CFAP74: variants seen among roughly 807,000 people sequenced by gnomAD.
The protein encoded by CFAP74 is cilia and flagella associated protein 74.
CFAP74 carries 124 observed loss-of-function variants against 188.9 expected under a neutral mutation model. That is an observed-to-expected ratio of 0.66 (90% CI 0.57 to 0.76). The LOEUF (loss-of-function observed/expected upper bound fraction) is 0.76, where lower values mean the gene tolerates loss of function less well. CFAP74 is among the 30% of genes least tolerant of loss of function. The probability of loss-of-function intolerance (pLI) is 0.00; values close to 1 mark genes in which losing one functional copy is unlikely to be tolerated. For synonymous variants in CFAP74, 956 were observed against 916.7 expected, an observed-to-expected ratio of 1.04 and a Z score of -0.77; for missense variants, 2,198 against 2,165.2, an observed-to-expected ratio of 1.02 and a Z score of -0.30.
chr1:1,959,081 T>A, intron 16 of CFAP74, 39 bp downstream of exon 16: 1 of 1,434,330 alleles, frequency 7.0e-7, no homozygotes, highest in Non-Finnish European at 9.8e-7. Flanking sequence ...CCAGCCAGCA[T>A]GCCCCGAGAA....
At position 1,995,591 on chromosome 1, in the gene CFAP74, G is replaced by A. The variant is rs141327652; in HGVS notation, c.-19-4616C>T. ...ATAGATTAAATAAGCAAGCTAAAGG[G>A]AAGTATATTATCGAGTTGCATTAAA... On this transcript the variant is annotated intron_variant, in intron 1 of 38. Coordinates refer to ENST00000682832, the MANE Select transcript of CFAP74 (RefSeq NM_001304360.2). 7.5e-4 allele frequency among the ~76,000 whole-genome samples: 114 copies of A among 151,938 alleles called. 2 individuals are homozygous for A. In the East Asian group the frequency reaches 0.011, roughly 14 times the overall value.
intron 9 of CFAP74, 137 bp from the exon 10 acceptor site, chr1:1,970,953 A>T: frequency 9.6e-7 from 1 of 1,039,816 alleles, no homozygotes; most frequent in East Asian, 2.4e-5. Context: ...ACACCTGCAC[A>T]TGCACACATC....
intron 33 of CFAP74, among the ~76,000 whole-genome samples, chr1:1,925,545 G>A (rs752897126): frequency 1.3e-5 from 2 of 152,282 alleles, no homozygotes; most frequent in East Asian, 3.9e-4. Flanking sequence ...CGCCAAGGAG[G>A]ACAGGGAGGT....
chr1:1,940,025 G>T (rs1653254330), intron 23 of CFAP74, among the ~76,000 whole-genome samples: 1 of 152,246 alleles, frequency 6.6e-6, no homozygotes, highest in Non-Finnish European at 1.5e-5. Context: ...CGGCACACAT[G>T]GGCGCATAGA....
At chr1:1,976,228 C>T (rs750835843) in intron 6 of CFAP74, among the ~76,000 whole-genome samples, 6 of 152,238 alleles carry the variant, frequency 3.9e-5, no homozygotes, top group Admixed American at 2.6e-4. Context: ...GCGTGTCCCC[C>T]GCAGGTCTCG....
Position 1,962,391 on chromosome 1 carries a change from G to A in CFAP74, c.1694+1358C>T, listed in dbSNP as rs549377599. Among the ~76,000 whole-genome samples, 53 of 150,170 alleles carry A rather than the reference G, an allele frequency of 3.5e-4. No individual in the cohort carries two copies. In the South Asian group the frequency reaches 5.3e-3, roughly 15 times the overall value. On this transcript the variant is annotated intron_variant, in intron 14 of 38. Transcript: ENST00000682832. Reference sequence around the variant, plus strand: ...CTCAGGAGGCTGAGGCAGAAGAATCGCTTGAACCCAGGAGGCAGAGGTTGC... The same window carrying A: ...CTCAGGAGGCTGAGGCAGAAGAATCACTTGAACCCAGGAGGCAGAGGTTGC...
chr1:1,981,983 C>T (rs1380877532), intron 6 of CFAP74, among the ~76,000 whole-genome samples: 1 of 143,718 alleles, frequency 7.0e-6, no homozygotes, highest in Non-Finnish European at 1.5e-5. Context: ...ACGGGGGGCA[C>T]GCAGGACACC....
At chr1:1,953,725 G>A (rs1328352969) in intron 18 of CFAP74, 1 of 153,682 alleles carries the variant, frequency 6.5e-6, no homozygotes, top group Admixed American at 6.5e-5. Flanking sequence ...ACAAGCAGGA[G>A]TGAATTTGAG....
At chr1:1,933,120 T>C (rs926195451) in intron 25 of CFAP74, among the ~76,000 whole-genome samples, 4 of 151,690 alleles carry the variant, frequency 2.6e-5, no homozygotes, top group Admixed American at 1.3e-4. Flanking sequence ...TCTCCTGACC[T>C]CGTGATCTGC....
chr1:1,959,744 C>T (rs530899847), intron 15 of CFAP74, among the ~76,000 whole-genome samples: 74 of 152,342 alleles, frequency 4.9e-4, no homozygotes, highest in Non-Finnish European at 6.3e-4. Context: ...TGCACGCCCT[C>T]GGCCACTAAC....
At chr1:1,988,246 C>T (rs1003411244) in intron 4 of CFAP74, 19 of 641,706 alleles carry the variant, frequency 3.0e-5, no homozygotes, top group South Asian at 1.7e-4. Context: ...GAAGCTACAA[C>T]GAAAGCTTGA....
intron 1 of CFAP74, among the ~76,000 whole-genome samples, chr1:2,001,543 G>C (rs933590848): frequency 2.0e-5 from 3 of 152,124 alleles, no homozygotes; most frequent in Non-Finnish European, 4.4e-5. Context: ...AGCCAGGATG[G>C]TCTCGATCTA....
At position 1,974,066 on chromosome 1, in the gene CFAP74, C is replaced by T. The variant is rs372764253; in HGVS notation, c.633G>A (p.Glu211=). ...RAAEQLCREQ[E]ALGKVERNRL... is the part of the protein sequence containing the mutation. Reference sequence around the variant, plus strand: ...GGTTCCGCTCCACCTTCCCCAGGGCCTCCTGCTCTCTGCAGAGCTGCTCGG... The same window carrying T: ...GGTTCCGCTCCACCTTCCCCAGGGCTTCCTGCTCTCTGCAGAGCTGCTCGG... Residue 211 remains glutamate, a synonymous_variant, in exon 7 of 39, where the codon GAG becomes GAA. Coordinates refer to ENST00000682832, the MANE Select transcript of CFAP74 (RefSeq NM_001304360.2). 1.7e-3 allele frequency: 2,737 copies of T among 1,606,324 alleles called. 14 individuals are homozygous for T. Among genetic ancestry groups the T allele is most frequent in the Non-Finnish European group, 2.1e-3 (2,478 of 1,175,276 alleles).
intron 1 of CFAP74, among the ~76,000 whole-genome samples, chr1:2,000,042 G>T (rs1391480805): frequency 2.0e-5 from 3 of 151,742 alleles, no homozygotes; most frequent in Non-Finnish European, 2.9e-5. Context: ...CAGGCGCCTG[G>T]AGTCCCAGCT....
chr1:1,922,404 A>C lies in CFAP74; in HGVS notation c.4819-16T>G. On this transcript the variant is annotated splice_polypyrimidine_tract_variant and intron_variant, in intron 38 of 38. Coordinates refer to ENST00000682832, the MANE Select transcript of CFAP74 (RefSeq NM_001304360.2). ...GGTGGTCTGGCTGGAACAGGAGGGG[A>C]GGGGAGAAGAGGCCTTCAGTCAGTG... 6.3e-7 allele frequency: 1 copy of C among 1,596,658 alleles called. No individual in the cohort carries two copies. Among genetic ancestry groups the C allele is most frequent in the Non-Finnish European group, 8.5e-7 (1 of 1,172,328 alleles).
intron 5 of CFAP74, 36 bp downstream of exon 5, chr1:1,986,901 T>C: frequency 1.3e-6 from 2 of 1,561,570 alleles, no homozygotes; most frequent in Non-Finnish European, 1.7e-6. Context: ...CCTGACCTCA[T>C]GCCCGGTTCC....
In CFAP74 at chr1:1,990,936, C is replaced by G; in HGVS notation, c.21G>C (p.Leu7=). MEDDGS[L]LPEDELLADA... is the part of the protein sequence containing the mutation. Reference sequence around the variant, plus strand: ...CGGCCAAAAGCTCGTCCTCAGGGAGCAGGCTGCCGTCATCCTCCATGCTGG... The same window carrying G: ...CGGCCAAAAGCTCGTCCTCAGGGAGGAGGCTGCCGTCATCCTCCATGCTGG... Residue 7 remains leucine (L), a synonymous_variant, in exon 2 of 39, where the codon CTG becomes CTC. Transcript: ENST00000682832. 1 of 1,612,886 alleles carries G rather than the reference C, an allele frequency of 6.2e-7. No individual in the cohort carries two copies. Among genetic ancestry groups the G allele is most frequent in the Non-Finnish European group, 8.5e-7 (1 of 1,179,686 alleles).
intron 17 of CFAP74, 102 bp from the exon 18 acceptor site, chr1:1,955,952 C>T (rs1372395592): frequency 2.0e-6 from 3 of 1,468,952 alleles, no homozygotes; most frequent in Non-Finnish European, 2.7e-6. Context: ...GGGGGCTGGA[C>T]CCTGGCTCCA....
chr1:1,924,957 C>T (rs1012102862), intron 33 of CFAP74, among the ~76,000 whole-genome samples: 19 of 152,266 alleles, frequency 1.2e-4, no homozygotes, highest in African/African-American at 4.6e-4. Context: ...CCCTCCCGGA[C>T]CCACACTCGT....
Sources: allele counts gnomAD v4.1 joint callset (sites outside exome capture counted in the v4.1 genomes callset), GRCh38; gene constraint gnomAD v4.1.1; transcripts MANE v1.5; gene names NCBI Gene and HGNC (gene_info 2026-07-23, HGNC 2026-07-21).